The following MAML3 variants were observed in gnomAD, a reference collection of about 807,000 sequenced individuals.
MAML3 encodes the protein mastermind like transcriptional coactivator 3, also known as mastermind-like protein 3.
Under a neutral mutation model 101.9 loss-of-function variants are expected in MAML3, and 27 were observed. The ratio of observed to expected loss-of-function variants is 0.27; its 90% confidence interval spans 0.20 to 0.37. MAML3 has a LOEUF of 0.37. MAML3 is among the 10% of genes least tolerant of loss of function. The pLI, the probability that MAML3 is intolerant of heterozygous loss-of-function variation, is 1.00. For missense variants in MAML3, 1,316 were observed against 1,444.9 expected (o/e 0.91, Z 1.45); for synonymous variants, 501 against 555.9 (o/e 0.90, Z 1.39).
chr4:139,966,323 A>C (rs1447248080), intron 1 of MAML3, among the ~76,000 whole-genome samples: 1 of 152,154 alleles, frequency 6.6e-6, no homozygotes, highest in Non-Finnish European at 1.5e-5. Context: ...CCCACTTATG[A>C]TGAACACGTT....
intron 1 of MAML3, among the ~76,000 whole-genome samples, chr4:140,017,173 C>A (rs974369405): frequency 6.6e-6 from 1 of 152,160 alleles, no homozygotes; most frequent in Non-Finnish European, 1.5e-5. Flanking sequence ...AGATGACATA[C>A]AGATGGCACA....
At chr4:139,987,170 T>C (rs1301248443) in intron 1 of MAML3, among the ~76,000 whole-genome samples, 1 of 152,230 alleles carries the variant, frequency 6.6e-6, no homozygotes, top group Non-Finnish European at 1.5e-5. Flanking sequence ...GCCACTCACC[T>C]GCCCTACATT....
At chr4:139,843,866 C>T (rs1262300070) in intron 2 of MAML3, among the ~76,000 whole-genome samples, 3 of 152,152 alleles carry the variant, frequency 2.0e-5, no homozygotes, top group Non-Finnish European at 4.4e-5. Flanking sequence ...TTCCCATGGA[C>T]GGCATTGTAG....
chr4:139,760,927 CT>C (rs1023212275), intron 2 of MAML3, among the ~76,000 whole-genome samples: 1 of 152,160 alleles, frequency 6.6e-6, no homozygotes, highest in Non-Finnish European at 1.5e-5. Context: ...TCAAATTGCT[CT>C]GTTGTTCTAG....
At chr4:139,854,982 T>C (rs1232595953) in intron 2 of MAML3, among the ~76,000 whole-genome samples, 11 of 152,230 alleles carry the variant, frequency 7.2e-5, no homozygotes, top group Admixed American at 7.2e-4. Context: ...CCATGTGCTC[T>C]CACCCAGGAG....
At chr4:139,932,253 T>TTG (rs977954705) in intron 1 of MAML3, among the ~76,000 whole-genome samples, 9 of 151,922 alleles carry the variant, frequency 5.9e-5, no homozygotes, top group African/African-American at 2.2e-4. Flanking sequence ...ATCTTGATTT[T>TTG]TTTTTTGATA....
At chr4:140,126,498 C>CT (rs1728687935) in intron 1 of MAML3, among the ~76,000 whole-genome samples, 1 of 152,312 alleles carries the variant, frequency 6.6e-6, no homozygotes, top group Admixed American at 6.5e-5. Flanking sequence ...CCTGGTGCTC[C>CT]TCGCCAACTG....
At chr4:140,047,967 AT>A (rs912337520) in intron 1 of MAML3, among the ~76,000 whole-genome samples, 1 of 152,158 alleles carries the variant, frequency 6.6e-6, no homozygotes, top group Non-Finnish European at 1.5e-5. Flanking sequence ...AGTTCTCAAC[AT>A]TTGGTAAGGC....
chr4:139,880,512 A>T (rs795980), intron 2 of MAML3, among the ~76,000 whole-genome samples: 1 of 151,906 alleles, frequency 6.6e-6, no homozygotes, highest in South Asian at 2.1e-4. Flanking sequence ...TCATGAACCT[A>T]AACTGTTTTC....
chr4:140,064,978 A>T (rs1727507428), intron 1 of MAML3, among the ~76,000 whole-genome samples: 1 of 152,222 alleles, frequency 6.6e-6, no homozygotes, highest in Non-Finnish European at 1.5e-5. Context: ...TCTTTCACCC[A>T]AATCACTCAA....
intron 1 of MAML3, among the ~76,000 whole-genome samples, chr4:140,141,576 A>G (rs1728980790): frequency 6.6e-6 from 1 of 152,224 alleles, no homozygotes; most frequent in Non-Finnish European, 1.5e-5. Context: ...AAGAACCACA[A>G]AATTGTTCAA....
At position 139,719,184 on chromosome 4, in the gene MAML3, T is replaced by G; in HGVS notation, c.*139A>C. 1.0e-6 allele frequency: 1 copy of G among 973,526 alleles called. No homozygotes were observed. The highest frequency in any genetic ancestry group is 1.9e-5 in the South Asian group (1 of 53,898). 60.3% of individuals were successfully genotyped at this position (973,526 alleles called of 1,614,324 possible). A position where few individuals can be genotyped will look rare whatever the true frequency, so the allele number is the denominator to read the frequency against. ...GGGGCTGTGGATTGGCACCTGGATC[T>G]TCCATTGTCAGCCAGCTGCAGTTTT... On this transcript the variant is annotated 3_prime_UTR_variant, in exon 5 of 5. Coordinates refer to ENST00000509479, the MANE Select transcript of MAML3 (RefSeq NM_018717.5).
chr4:140,067,721 T>A (rs2110947387), intron 1 of MAML3, among the ~76,000 whole-genome samples: 1 of 151,428 alleles, frequency 6.6e-6, no homozygotes, highest in East Asian at 1.9e-4. Context: ...AATGTCAATC[T>A]TAATCTTTTT....
intron 1 of MAML3, among the ~76,000 whole-genome samples, chr4:139,894,536 A>G (rs1385011647): frequency 6.6e-6 from 1 of 151,726 alleles, no homozygotes; most frequent in Non-Finnish European, 1.5e-5. Flanking sequence ...AGAAAGAAAG[A>G]AAGAAAGAAA....
intron 2 of MAML3, among the ~76,000 whole-genome samples, chr4:139,749,569 TC>T (rs1729433870): frequency 6.6e-6 from 1 of 152,142 alleles, no homozygotes; most frequent in South Asian, 2.1e-4. Flanking sequence ...GGGGCGCCGA[TC>T]AGAGAAATCT....
intron 2 of MAML3, among the ~76,000 whole-genome samples, chr4:139,813,505 G>A (rs1287195637): frequency 3.9e-5 from 6 of 152,184 alleles, no homozygotes; most frequent in South Asian, 2.1e-4. Flanking sequence ...TGCATGAAGC[G>A]CTTCAAAATT....
chr4:139,925,268 C>T (rs1407931287), intron 1 of MAML3, among the ~76,000 whole-genome samples: 2 of 152,104 alleles, frequency 1.3e-5, no homozygotes, highest in Non-Finnish European at 2.9e-5. Context: ...CTCACTCTGT[C>T]GTGCAGGCTT....
In MAML3 at chr4:139,863,832, G is replaced by T. The variant is rs866511377; in HGVS notation, c.2079+25525C>A. ...TTTCTGTGGTAATACCAGAACATGG[G>T]TTTTTTTTTTTTTTTTTTTTTTTTG... On this transcript the variant is annotated intron_variant, in intron 2 of 4. Coordinates refer to ENST00000509479, the MANE Select transcript of MAML3 (RefSeq NM_018717.5). Among the ~76,000 whole-genome samples, 141 of 111,274 alleles carry T rather than the reference G, an allele frequency of 1.3e-3. 2 individuals are homozygous for T. The highest frequency in any genetic ancestry group is 1.6e-3 in the Admixed American group (15 of 9,578). The allele number at this position is 111,274 out of a possible 152,430, so 73.0% of individuals were successfully genotyped here. A position where few individuals can be genotyped will look rare whatever the true frequency, so the allele number is the denominator to read the frequency against.
In MAML3 at chr4:139,864,923, C is replaced by CTTTTTT. The variant is rs56361332; in HGVS notation, c.2079+24428_2079+24433dup. The stretch of plus-strand genomic sequence containing the variant: ...TTAGGAAAATAGTAATGCAAACTTG[C>CTTTTTT]TTTTTTTTTTTTTTTTTTTTTTTTT... On this transcript the variant is annotated intron_variant, in intron 2 of 4. Coordinates refer to ENST00000509479, the MANE Select transcript of MAML3 (RefSeq NM_018717.5). Among the ~76,000 whole-genome samples the CTTTTTT allele has an allele frequency of 4.6e-4, 29 of 62,414 alleles. 3 individuals are homozygous for CTTTTTT. The highest frequency in any genetic ancestry group is 7.3e-4 in the Admixed American group (3 of 4,126). The allele number at this position is 62,414 out of a possible 152,430, so 40.9% of individuals were successfully genotyped here. A position where few individuals can be genotyped will look rare whatever the true frequency, so the allele number is the denominator to read the frequency against.
Sources: gnomAD v4.1 joint callset for allele counts (sites outside exome capture counted in the v4.1 genomes callset) on GRCh38, gnomAD v4.1.1 for gene constraint, MANE v1.5 for transcripts, NCBI Gene and HGNC (gene_info 2026-07-23, HGNC 2026-07-21) for gene names.